TAFA2: variants seen among roughly 807,000 people sequenced by gnomAD.
TAFA2 encodes chemokine-like protein TAFA-2.
TAFA2 carries 7 observed loss-of-function variants against 18.8 expected under a neutral mutation model. The observed-to-expected ratio is 0.37, with a 90% CI of 0.21 to 0.70. TAFA2 has a LOEUF of 0.70. TAFA2 is among the 30% of genes least tolerant of loss of function. The pLI, the probability that TAFA2 is intolerant of heterozygous loss-of-function variation, is 0.53. For synonymous variants in TAFA2, 60 were observed against 54.2 expected (o/e 1.11, Z -0.47); for missense variants, 122 against 158.1 (o/e 0.77, Z 1.23).
intron 2 of TAFA2, among the ~76,000 whole-genome samples, chr12:61,826,468 G>A (rs1872540590): frequency 6.6e-6 from 1 of 151,886 alleles, no homozygotes; most frequent in African/African-American, 2.4e-5. Flanking sequence ...GAGAAATGCA[G>A]AATGACAAAA....
At chr12:62,018,859 A>C (rs1881025072) in intron 1 of TAFA2, among the ~76,000 whole-genome samples, 1 of 152,226 alleles carries the variant, frequency 6.6e-6, no homozygotes. Flanking sequence ...CTGCACAGCA[A>C]AAGAAACTAC....
chr12:62,106,256 C>T (rs1057136357), intron 1 of TAFA2, among the ~76,000 whole-genome samples: 1 of 151,928 alleles, frequency 6.6e-6, no homozygotes, highest in African/African-American at 2.4e-5. Context: ...ATCGCTTGAA[C>T]CTGGGAGGCA....
intron 2 of TAFA2, among the ~76,000 whole-genome samples, chr12:61,855,263 C>T (rs1873836337): frequency 6.6e-6 from 1 of 152,186 alleles, no homozygotes; most frequent in South Asian, 2.1e-4. Context: ...CATTCACCTA[C>T]TCTTAAGAGC....
chr12:62,085,170 T>G (rs1278180702), intron 1 of TAFA2, among the ~76,000 whole-genome samples: 3 of 152,198 alleles, frequency 2.0e-5, no homozygotes, highest in African/African-American at 7.2e-5. Context: ...AGGACTGGAT[T>G]TCTTCAGGCT....
At chr12:61,776,004 AC>A in intron 2 of TAFA2, 1 of 338,868 alleles carries the variant, frequency 3.0e-6, no homozygotes, top group Non-Finnish European at 5.7e-6. Context: ...TGTTCCTTTG[AC>A]CACACACATG....
At chr12:62,248,195 GT>G (rs1289980334) in intron 1 of TAFA2, among the ~76,000 whole-genome samples, 4 of 152,226 alleles carry the variant, frequency 2.6e-5, no homozygotes, top group African/African-American at 9.6e-5. Context: ...ACTTTATCAG[GT>G]GTGGATTCCA....
intron 2 of TAFA2, among the ~76,000 whole-genome samples, chr12:61,770,543 C>A (rs186361182): frequency 1.4e-4 from 21 of 152,214 alleles, no homozygotes; most frequent in African/African-American, 5.1e-4. Flanking sequence ...GATTTCTCAA[C>A]AGAAGCTATA....
intron 1 of TAFA2, chr12:62,234,732 G>T: frequency 9.0e-7 from 1 of 1,109,232 alleles, no homozygotes; most frequent in Non-Finnish European, 1.4e-6. Flanking sequence ...CCGTCTACCA[G>T]TCCTTTCCTG....
Position 61,996,384 on chromosome 12 carries a change from G to A in TAFA2, c.-1-128958C>T, listed in dbSNP as rs1880189243. Among the ~76,000 whole-genome samples, 6 of 152,120 alleles carry A rather than the reference G, an allele frequency of 3.9e-5. No homozygotes were observed. The South Asian group carries it at 6.2e-4, about 16-fold the overall frequency. On this transcript the variant is annotated intron_variant, in intron 1 of 4. Transcript: ENST00000416284. The stretch of plus-strand genomic sequence containing the variant: ...TGTTTCAGTAACAAGCTGTGAGCAG[G>A]TGCAGTCCTTCACCTCAGCTTTCTA...
chr12:61,976,085 A>G (rs991658544), intron 1 of TAFA2, among the ~76,000 whole-genome samples: 19 of 151,844 alleles, frequency 1.3e-4, no homozygotes, highest in African/African-American at 4.3e-4. Flanking sequence ...ACCAAACGAT[A>G]TAATTACATA....
At chr12:62,106,033 G>A (rs1869433029) in intron 1 of TAFA2, among the ~76,000 whole-genome samples, 1 of 152,080 alleles carries the variant, frequency 6.6e-6, no homozygotes, top group Non-Finnish European at 1.5e-5. Context: ...AAAAAGAAAT[G>A]TCATAAAGAA....
chr12:61,964,339 AT>A lies in TAFA2; in HGVS notation c.-1-96914del. ...TCCTTCCTCACTATATATTCCTAAT[AT>A]CCTAATTTAGACTATTGTTTTAACC... On this transcript the variant is annotated intron_variant, in intron 1 of 4. Coordinates refer to ENST00000416284, the MANE Select transcript of TAFA2 (RefSeq NM_178539.5). 2.0e-5 allele frequency among the ~76,000 whole-genome samples: 3 copies of A among 152,066 alleles called. 1 individual carries two copies. The Middle Eastern group carries it at 0.01, about 517-fold the overall frequency.
intron 1 of TAFA2, among the ~76,000 whole-genome samples, chr12:62,092,657 G>T (rs1190677589): frequency 6.6e-6 from 1 of 151,934 alleles, no homozygotes; most frequent in African/African-American, 2.4e-5. Context: ...TCTAGAAAAG[G>T]ATTTGAAATA....
chr12:61,832,386 C>A (rs1028914812), intron 2 of TAFA2, among the ~76,000 whole-genome samples: 3 of 152,024 alleles, frequency 2.0e-5, no homozygotes, highest in African/African-American at 7.2e-5. Context: ...GGTCCATACT[C>A]CCAGCTGAAC....
intron 1 of TAFA2, among the ~76,000 whole-genome samples, chr12:61,962,002 A>G (rs1878902984): frequency 6.6e-6 from 1 of 152,024 alleles, no homozygotes; most frequent in South Asian, 2.1e-4. Flanking sequence ...CTTCACTAGA[A>G]TTGAATAATT....
At chr12:62,181,862 T>A (rs778926702) in intron 1 of TAFA2, among the ~76,000 whole-genome samples, 2 of 152,194 alleles carry the variant, frequency 1.3e-5, no homozygotes, top group African/African-American at 4.8e-5. Flanking sequence ...TCTTCAATCC[T>A]ATAGGAATCA....
intron 3 of TAFA2, among the ~76,000 whole-genome samples, chr12:61,754,651 C>T (rs74343990): frequency 0.1 from 15,215 of 151,676 alleles, 958 homozygotes; most frequent in East Asian, 0.13. Context: ...AATGGAACCT[C>T]ATTATAATGC....
chr12:61,835,184 A>G (rs1323479936), intron 2 of TAFA2, among the ~76,000 whole-genome samples: 1 of 152,058 alleles, frequency 6.6e-6, no homozygotes, highest in African/African-American at 2.4e-5. Context: ...AAAATCATAC[A>G]CAACCCAGAG....
At chr12:62,075,030 C>T (rs973282318) in intron 1 of TAFA2, among the ~76,000 whole-genome samples, 2 of 152,064 alleles carry the variant, frequency 1.3e-5, no homozygotes, top group African/African-American at 4.8e-5. Context: ...TTAATGACTA[C>T]AAGAAACTCA....
Sources: gnomAD v4.1 joint callset for allele counts (sites outside exome capture counted in the v4.1 genomes callset) on GRCh38, gnomAD v4.1.1 for gene constraint, MANE v1.5 for transcripts, NCBI Gene and HGNC (gene_info 2026-07-23, HGNC 2026-07-21) for gene names.